Variants in MACF1 observed in about 807,000 individuals in gnomAD.
The protein encoded by MACF1 is microtubule actin crosslinking factor 1.
In MACF1, 193 loss-of-function variants were observed where a neutral mutation model predicts 854.8. That is an observed-to-expected ratio of 0.23 (90% CI 0.20 to 0.25). MACF1 has a LOEUF of 0.25. MACF1 is among the 10% of genes least tolerant of loss of function. The probability of loss-of-function intolerance (pLI) is 1.00; values close to 1 mark genes in which losing one functional copy is unlikely to be tolerated. For missense variants in MACF1, 7,722 were observed against 8,929.1 expected (o/e 0.86, Z 5.45); for synonymous variants, 3,185 against 3,226.7 (o/e 0.99, Z 0.44).
intron 42 of MACF1, among the ~76,000 whole-genome samples, chr1:39,350,473 G>A (rs917057684): frequency 3.9e-5 from 6 of 152,138 alleles, no homozygotes; most frequent in Admixed American, 2.6e-4. Flanking sequence ...ATCAGGCCTC[G>A]ACTCTGCTAA....
rs773197261 is a variant in MACF1 at position 39,442,282 on chromosome 1, C to T, written c.18910C>T (p.Leu6304Phe). The T allele has an allele frequency of 5.0e-6, 8 of 1,604,350 alleles. No individual in the cohort carries two copies. The highest frequency in any genetic ancestry group is 1.3e-5 in the African/African-American group (1 of 74,168). The change falls in exon 76 of 101, where the codon CTC (leucine) becomes TTC (phenylalanine). Residue 6304 changes from leucine to phenylalanine, a missense_variant. Coordinates refer to ENST00000564288, the MANE Select transcript of MACF1 (RefSeq NM_001394062.1). Reference sequence around the variant, plus strand: ...AGAACCACTGACAGAACTCAAACACCTCTGGGAGAACCTGGGTGAGAAAAT... The same window carrying T: ...AGAACCACTGACAGAACTCAAACACTTCTGGGAGAACCTGGGTGAGAAAAT... ...IREPLTELKH[L>F]WENLGEKIAH... is the part of the protein sequence containing the mutation.
rs112109687 is a variant in MACF1 at position 39,283,825 on chromosome 1, GCT to G, written c.916-238_916-237del. 5.1e-3 allele frequency among the ~76,000 whole-genome samples: 777 copies of G among 152,218 alleles called. 6 individuals carry two copies. The highest frequency in any genetic ancestry group is 0.017 in the African/African-American group (718 of 41,522). On this transcript the variant is annotated intron_variant, in intron 9 of 100. Transcript: ENST00000564288. This position sits in a 1 kb window ranked among gnomAD's most constrained non-coding sequence, Gnocchi z 4.5. Reference sequence around the variant, plus strand: ...TATCAGCTTGATTAGGTAGATCATGGCTCTTTTCAGAATATTTTTAGTAGCTT... The same window carrying G: ...TATCAGCTTGATTAGGTAGATCATGGCTTTTCAGAATATTTTTAGTAGCTT...
Position 39,084,513 on chromosome 1 carries a change from G to A in MACF1, c.220+75G>A, listed in dbSNP as rs964153868. On this transcript the variant is annotated intron_variant, in intron 2 of 93. Transcript: ENST00000361689. This position sits in a 1 kb window ranked among gnomAD's most constrained non-coding sequence, Gnocchi z 5.2. ...TGGGCCAGGGCACAGCAGCTGTGTG[G>A]GGAGCCGAGGGGTCCTCACCAGGGC... 65 of 1,232,924 alleles carry A rather than the reference G, an allele frequency of 5.3e-5. No individual in the cohort carries two copies. Among genetic ancestry groups the A allele is most frequent in the Middle Eastern group, 4.5e-4 (2 of 4,494 alleles). The allele number at this position is 1,232,924 out of a possible 1,614,324, so 76.4% of individuals were successfully genotyped here. A position where few individuals can be genotyped will look rare whatever the true frequency, so the allele number is the denominator to read the frequency against.
chr1:39,365,024 C>T (rs1648568743), intron 49 of MACF1, among the ~76,000 whole-genome samples: 2 of 151,980 alleles, frequency 1.3e-5, no homozygotes, highest in African/African-American at 2.4e-5. Flanking sequence ...TCTAGTTGTT[C>T]ATAATAGAAG....
intron 2 of MACF1, among the ~76,000 whole-genome samples, chr1:39,092,410 C>T (rs2148122032): frequency 6.6e-6 from 1 of 152,314 alleles, no homozygotes; most frequent in African/African-American, 2.4e-5. Context: ...ATTTTACATA[C>T]ATCATTTAAT....
chr1:39,137,837 G>A (rs2148180499), intron 2 of MACF1, among the ~76,000 whole-genome samples: 1 of 152,186 alleles, frequency 6.6e-6, no homozygotes, highest in East Asian at 1.9e-4. Context: ...ACTTTGGGAA[G>A]CCGAGGCAGG....
intron 20 of MACF1, 31 bp from the exon 21 acceptor site, chr1:39,297,589 C>T (rs756170134): frequency 6.2e-7 from 1 of 1,613,338 alleles, no homozygotes; most frequent in East Asian, 2.2e-5. Flanking sequence ...ATGTTTTGAG[C>T]AGAAGGCATC....
At position 39,310,978 on chromosome 1, in the gene MACF1, C is replaced by T; in HGVS notation, c.3248C>T (p.Ala1083Val). 1 of 1,613,488 alleles carries T rather than the reference C, an allele frequency of 6.2e-7. No individual in the cohort carries two copies. The highest frequency in any genetic ancestry group is 8.5e-7 in the Non-Finnish European group (1 of 1,179,798). Reference sequence around the variant, plus strand: ...GACAGAGATGCCTGGCAGGACAATGCATTAAGGATTGCAGAGCAAGAGGTA... The same window carrying T: ...GACAGAGATGCCTGGCAGGACAATGTATTAAGGATTGCAGAGCAAGAGGTA... Reference protein sequence around the residue: ...RTDRDAWQDNALRIAEQEHTQ... With the variant: ...RTDRDAWQDNVLRIAEQEHTQ... The change falls in exon 26 of 101, where the codon GCA becomes GTA. Residue 1083 changes from alanine to valine, a missense_variant. Around this residue, in one of 15 missense-constraint regions of MACF1, gnomAD observed 1,137 missense variants for 1,263.0 expected, o/e 0.90. Coordinates refer to ENST00000564288, the MANE Select transcript of MACF1 (RefSeq NM_001394062.1).
rs769032928 is a variant in MACF1, at chr1:39,361,684, A to G, written c.12771+7A>G. The G allele has an allele frequency of 3.1e-6, 5 of 1,613,140 alleles. No homozygotes were observed. The East Asian group carries it at 8.9e-5, about 29-fold the overall frequency. On this transcript the variant is annotated splice_region_variant and intron_variant, in intron 49 of 100. Transcript: ENST00000564288. Reference sequence around the variant, plus strand: ...TTTCTTCCAACAGATCCAGGTGAGGATATATCTGCCATGTTAGCAGAATAA... The same window carrying G: ...TTTCTTCCAACAGATCCAGGTGAGGGTATATCTGCCATGTTAGCAGAATAA...
intron 1 of MACF1, among the ~76,000 whole-genome samples, chr1:39,220,729 C>T (rs147845236): frequency 1.3e-5 from 2 of 152,152 alleles, no homozygotes; most frequent in East Asian, 1.9e-4. Context: ...AAGTGATCCA[C>T]CCACCTCGGC....
At position 39,289,693 on chromosome 1, in the gene MACF1, C is replaced by CTTTTTTTTTTTTTTTTTTTTTT. The variant is rs58188740; in HGVS notation, c.1785+2142_1785+2163dup. On this transcript the variant is annotated intron_variant, in intron 15 of 100. Coordinates refer to ENST00000564288, the MANE Select transcript of MACF1 (RefSeq NM_001394062.1). ...ATTTTCTCCCATTCTGTGGGTTGTCCTTTTTTTTTTTTTTTTTTTTTTTTT... is the reference window on the plus strand; with the variant it reads ...ATTTTCTCCCATTCTGTGGGTTGTCCTTTTTTTTTTTTTTTTTTTTTTTTTTTTTTTTTTTTTTTTTTTTTTT... 4.8e-4 allele frequency among the ~76,000 whole-genome samples: 14 copies of CTTTTTTTTTTTTTTTTTTTTTT among 28,940 alleles called. 6 individuals carry two copies. Among genetic ancestry groups the CTTTTTTTTTTTTTTTTTTTTTT allele is most frequent in the Non-Finnish European group, 6.0e-4 (10 of 16,774 alleles). 19.0% of individuals were successfully genotyped at this position (28,940 alleles called of 152,430 possible).
intron 57 of MACF1, 36 bp from the exon 58 acceptor site, chr1:39,387,151 G>C (rs1302201876): frequency 6.2e-7 from 1 of 1,600,302 alleles, no homozygotes; most frequent in East Asian, 2.2e-5. Context: ...CCAGGGTTCA[G>C]GCTTTATTGA....
At chr1:39,317,121 T>C (rs1646427013) in intron 28 of MACF1, 93 bp from the exon 29 acceptor site, 1 of 1,243,158 alleles carries the variant, frequency 8.0e-7, no homozygotes, top group African/African-American at 1.5e-5. Flanking sequence ...AATGTGGAAA[T>C]AGCTGTAGAC....
intron 4 of MACF1, 104 bp from the exon 5 acceptor site, chr1:39,254,194 A>G: frequency 2.1e-6 from 2 of 944,400 alleles, no homozygotes; most frequent in Admixed American, 2.0e-5. Context: ...TTCTACTGTA[A>G]GGAATTCTTG....
chr1:39,403,923 G>A (rs950139272), intron 58 of MACF1, among the ~76,000 whole-genome samples: 2 of 152,020 alleles, frequency 1.3e-5, no homozygotes, highest in Non-Finnish European at 2.9e-5. Flanking sequence ...GAGGTCAGGA[G>A]TTCGAAACCA....
rs972158065 is a variant in MACF1 at position 39,442,404 on chromosome 1, C to T, written c.18949-8C>T. 1.9e-6 allele frequency: 3 copies of T among 1,611,656 alleles called. No homozygotes were observed. Among genetic ancestry groups the T allele is most frequent in the Non-Finnish European group, 2.5e-6 (3 of 1,179,302 alleles). ...TTGAATATTCCCTTTCTGTCTTTTC[C>T]TGAGTAGCACAAACTAGAAGGGGCT... On this transcript the variant is annotated splice_region_variant and splice_polypyrimidine_tract_variant and intron_variant, in intron 76 of 100. Transcript: ENST00000564288.
intron 6 of MACF1, among the ~76,000 whole-genome samples, chr1:39,273,607 C>CT (rs796924111): frequency 1.1e-3 from 167 of 150,348 alleles, no homozygotes; most frequent in African/African-American, 3.6e-3. Context: ...GTTTCTTTTT[C>CT]TTTTTTTTTG....
chr1:39,442,366 T>C, intron 76 of MACF1, 46 bp downstream of exon 76: 1 of 1,605,838 alleles, frequency 6.2e-7, no homozygotes, highest in Non-Finnish European at 8.5e-7. Flanking sequence ...CTCCGCTCTT[T>C]TCTAATTTCG....
chr1:39,126,118 A>C (rs965612926), intron 2 of MACF1, among the ~76,000 whole-genome samples: 1 of 152,220 alleles, frequency 6.6e-6, no homozygotes, highest in African/African-American at 2.4e-5. Flanking sequence ...GAAGTACCAC[A>C]AACTGGGTGG....
Sources: allele counts gnomAD v4.1 joint callset (sites outside exome capture counted in the v4.1 genomes callset), GRCh38; gene constraint gnomAD v4.1.1; regional missense constraint gnomAD v4.1.1; non-coding constraint Gnocchi (gnomAD v3.1); transcripts MANE v1.5; gene names NCBI Gene and HGNC (gene_info 2026-07-23, HGNC 2026-07-21).